Variants in ITGBL1 observed in about 807,000 individuals in gnomAD.
ITGBL1 encodes the protein integrin subunit beta like 1.
ITGBL1 carries 51 observed loss-of-function variants against 68.5 expected under a neutral mutation model. The ratio of observed to expected loss-of-function variants is 0.74; its 90% CI spans 0.59 to 0.94. The LOEUF is 0.94. Among genes scored for constraint, ITGBL1 ranks in the 40% least tolerant of loss-of-function variants. The probability of loss-of-function intolerance (pLI) is 0.00; values close to 1 mark genes in which losing one functional copy is unlikely to be tolerated. For missense variants in ITGBL1, 649 were observed against 647.4 expected (o/e 1.00, Z -0.03); for synonymous variants, 209 against 227.3 (o/e 0.92, Z 0.72).
intron 9 of ITGBL1, among the ~76,000 whole-genome samples, chr13:101,709,539 C>T (rs2034365889): frequency 1.3e-5 from 2 of 151,248 alleles, no homozygotes; most frequent in Admixed American, 1.3e-4. Flanking sequence ...ATTTTTTTTT[C>T]CTCTGAGCAT....
chr13:101,637,640 A>G (rs1323005272), intron 7 of ITGBL1, among the ~76,000 whole-genome samples: 1 of 152,120 alleles, frequency 6.6e-6, no homozygotes, highest in Non-Finnish European at 1.5e-5. Flanking sequence ...ACCATGCACC[A>G]TGGAACAATA....
intron 7 of ITGBL1, among the ~76,000 whole-genome samples, chr13:101,680,312 G>A (rs1197544893): frequency 1.3e-5 from 2 of 152,152 alleles, no homozygotes; most frequent in Non-Finnish European, 2.9e-5. Context: ...TTTAGGCGAA[G>A]AAGGACTATG....
intron 2 of ITGBL1, among the ~76,000 whole-genome samples, chr13:101,514,583 A>G (rs985916494): frequency 7.2e-5 from 11 of 152,096 alleles, no homozygotes; most frequent in African/African-American, 2.2e-4. Flanking sequence ...AAATATAAAA[A>G]CAAATTAATT....
At chr13:101,534,453 C>T (rs2139167888) in intron 2 of ITGBL1, among the ~76,000 whole-genome samples, 1 of 152,128 alleles carries the variant, frequency 6.6e-6, no homozygotes, top group South Asian at 2.1e-4. Flanking sequence ...GATCCAAATC[C>T]AGGAGGAAAT....
chr13:101,563,960 A>T lies in ITGBL1; in HGVS notation c.317-3739A>T, dbSNP rs1255851215. 2.0e-5 allele frequency among the ~76,000 whole-genome samples: 3 copies of T among 152,036 alleles called. No individual in the cohort carries two copies. In the East Asian group the frequency reaches 5.8e-4, roughly 29 times the overall value. ...ATATAAAAATATAATACTTATTACC[A>T]ACCAAATGAGGTATATCTCAAGATG... On this transcript the variant is annotated intron_variant, in intron 2 of 10. Transcript: ENST00000376180.
chr13:101,657,273 A>G (rs1167752995), intron 7 of ITGBL1, among the ~76,000 whole-genome samples: 2 of 152,148 alleles, frequency 1.3e-5, no homozygotes, highest in East Asian at 3.8e-4. Flanking sequence ...ACAAAAATTT[A>G]TTATTTTGCT....
At position 101,544,773 on chromosome 13, in the gene ITGBL1, C is replaced by G. The variant is rs532215242; in HGVS notation, c.317-22926C>G. ...CAATGGCGGGCACCCCTCCCCGAGC[C>G]TTGCTGCTGCCTTGCAGTTTGATCT... is the stretch of plus-strand genomic sequence containing the variant. On this transcript the variant is annotated intron_variant, in intron 2 of 10. Transcript: ENST00000376180. 1.6e-4 allele frequency among the ~76,000 whole-genome samples: 25 copies of G among 152,320 alleles called. No individual in the cohort carries two copies. In the South Asian group the frequency reaches 5.2e-3, roughly 32 times the overall value.
In ITGBL1 at chr13:101,579,453, A is replaced by C. The variant is rs199893442; in HGVS notation, c.727+26A>C. On this transcript the variant is annotated intron_variant, in intron 5 of 10. Transcript: ENST00000376180. ...GTGTGTCATTCATACATGTTACTAC[A>C]TAATGGGGAGGCAAACAAAGCTTTT... The C allele has an allele frequency of 1.2e-4, 198 of 1,605,814 alleles. 3 individuals are homozygous for C. In the South Asian group the frequency reaches 2.1e-3, roughly 17 times the overall value.
At chr13:101,536,738 A>C (rs1301966910) in intron 2 of ITGBL1, among the ~76,000 whole-genome samples, 4 of 151,948 alleles carry the variant, frequency 2.6e-5, no homozygotes, top group Admixed American at 6.6e-5. Context: ...CAAGACTTCT[A>C]TTATTTCCCT....
chr13:101,539,176 A>G (rs1259420670), intron 2 of ITGBL1, among the ~76,000 whole-genome samples: 1 of 145,042 alleles, frequency 6.9e-6, no homozygotes, highest in African/African-American at 2.6e-5. Context: ...AGCATTAGGT[A>G]TATCTCCTGA....
intron 7 of ITGBL1, among the ~76,000 whole-genome samples, chr13:101,603,568 C>T (rs2030519778): frequency 6.6e-6 from 1 of 151,850 alleles, no homozygotes; most frequent in South Asian, 2.1e-4. Flanking sequence ...TAGTTACCAA[C>T]ACTTGTAATC....
At chr13:101,588,691 A>G (rs1176864115) in intron 6 of ITGBL1, among the ~76,000 whole-genome samples, 3 of 63,272 alleles carry the variant, frequency 4.7e-5, no homozygotes, top group East Asian at 2.1e-3. Flanking sequence ...CTATTTGTCT[A>G]TTAAAAAAAA....
chr13:101,452,794 G>GC lies in ITGBL1; in HGVS notation c.-39dup. On this transcript the variant is annotated 5_prime_UTR_variant, in exon 1 of 11. Transcript: ENST00000376180. The stretch of plus-strand genomic sequence containing the variant: ...CGCCTCCCTCGGTGAACCCCACCTT[G>GC]CAGAAGTGCAGCTCGCCCGGAGCAG... 1 of 1,555,410 alleles carries GC rather than the reference G, an allele frequency of 6.4e-7. No homozygotes were observed. The highest frequency in any genetic ancestry group is 8.9e-7 in the Non-Finnish European group (1 of 1,127,252).
intron 7 of ITGBL1, among the ~76,000 whole-genome samples, chr13:101,656,995 G>A (rs1290074104): frequency 6.9e-6 from 1 of 144,172 alleles, no homozygotes; most frequent in Non-Finnish European, 1.5e-5. Flanking sequence ...TAGGGTACAT[G>A]TGCACATTGT....
At chr13:101,515,804 G>A (rs894685112) in intron 2 of ITGBL1, among the ~76,000 whole-genome samples, 3 of 152,096 alleles carry the variant, frequency 2.0e-5, no homozygotes, top group Admixed American at 6.6e-5. Context: ...TCTTCTCTGC[G>A]ATGTACTTTA....
intron 2 of ITGBL1, among the ~76,000 whole-genome samples, chr13:101,554,665 G>C (rs962483880): frequency 2.0e-5 from 3 of 152,178 alleles, no homozygotes; most frequent in Non-Finnish European, 4.4e-5. Flanking sequence ...AGATGATTCA[G>C]AGAAAATTTG....
intron 2 of ITGBL1, among the ~76,000 whole-genome samples, chr13:101,555,442 A>G (rs2139222166): frequency 6.6e-6 from 1 of 152,286 alleles, no homozygotes; most frequent in East Asian, 1.9e-4. Flanking sequence ...GGAAACCACC[A>G]GTGTGTATCA....
chr13:101,593,073 C>T (rs1439986350), intron 6 of ITGBL1, among the ~76,000 whole-genome samples: 1 of 151,558 alleles, frequency 6.6e-6, no homozygotes, highest in East Asian at 1.9e-4. Context: ...AGAAAACAAC[C>T]CAAGTAAAAA....
intron 7 of ITGBL1, among the ~76,000 whole-genome samples, chr13:101,605,033 TAC>T (rs71200752): frequency 1.5e-5 from 2 of 137,804 alleles, no homozygotes; most frequent in East Asian, 2.2e-4. Flanking sequence ...TATGTATATA[TAC>T]ATATACGCAT....
Sources: allele counts gnomAD v4.1 joint callset (sites outside exome capture counted in the v4.1 genomes callset), GRCh38; gene constraint gnomAD v4.1.1; transcripts MANE v1.5; gene names NCBI Gene and HGNC (gene_info 2026-07-23, HGNC 2026-07-21).